Variants in ZMIZ1 observed in about 807,000 individuals in gnomAD.
ZMIZ1 encodes zinc finger MIZ domain-containing protein 1.
In ZMIZ1, 17 loss-of-function variants were observed where a neutral mutation model predicts 113.9. The ratio of observed to expected loss-of-function variants is 0.15; its 90% CI spans 0.10 to 0.22. ZMIZ1 has a LOEUF of 0.22. Ranked by LOEUF, ZMIZ1 falls within the 10% of genes least tolerant of loss-of-function variation. ZMIZ1 has a pLI of 1.00. For synonymous variants in ZMIZ1, 607 were observed against 603.1 expected (o/e 1.01, Z -0.09); for missense variants, 1,059 against 1,477.8 (o/e 0.72, Z 4.65).
chr10:79,215,183 G>A (rs1020635875), intron 6 of ZMIZ1, among the ~76,000 whole-genome samples: 2 of 152,198 alleles, frequency 1.3e-5, no homozygotes, highest in African/African-American at 4.8e-5. Flanking sequence ...GAGGTTGAGG[G>A]GGCTGCAGGG....
At chr10:79,163,308 G>T (rs909176077) in intron 4 of ZMIZ1, among the ~76,000 whole-genome samples, 2 of 152,232 alleles carry the variant, frequency 1.3e-5, no homozygotes, top group East Asian at 3.9e-4. Context: ...CTCCATCTCC[G>T]TTCCTGCTGC....
At chr10:79,129,935 T>TG (rs1466369329) in intron 2 of ZMIZ1, among the ~76,000 whole-genome samples, 2 of 152,192 alleles carry the variant, frequency 1.3e-5, no homozygotes, top group African/African-American at 4.8e-5. Flanking sequence ...TAGGGCTTCC[T>TG]GGGGGAGGGG....
At chr10:79,085,888 G>C (rs1207301665) in intron 1 of ZMIZ1, among the ~76,000 whole-genome samples, 4 of 152,106 alleles carry the variant, frequency 2.6e-5, no homozygotes, top group Non-Finnish European at 4.4e-5. Flanking sequence ...GGTTGGAGTT[G>C]GATGAAACCC....
In ZMIZ1 at chr10:79,307,508, C is replaced by T. The variant is rs201783925; in HGVS notation, c.2772C>T (p.Pro924=). ...ACGGGCCCCCCCAGCTCTCCCACCC[C>T]CCGGACATGCCCAACAACATGGCCG... ...FMHGPPQLSH[P]PDMPNNMAAL... The change falls in exon 23 of 25, where the codon CCC becomes CCT. Residue 924 remains proline, a synonymous_variant. Coordinates refer to ENST00000334512, the MANE Select transcript of ZMIZ1 (RefSeq NM_020338.4). 17 of 1,612,330 alleles carry T rather than the reference C, an allele frequency of 1.1e-5. No individual in the cohort carries two copies. The highest frequency in any genetic ancestry group is 1.3e-5 in the Non-Finnish European group (15 of 1,179,208).
In ZMIZ1 at chr10:79,191,633, A is replaced by G. The variant is rs974151567; in HGVS notation, c.-49-9951A>G. ...ATCCTCAGCACTCCACAGCAGTGCT[A>G]GTCACCTTCCTCTCACTCAGGGAAG... On this transcript the variant is annotated intron_variant, in intron 4 of 24. Coordinates refer to ENST00000334512, the MANE Select transcript of ZMIZ1 (RefSeq NM_020338.4). Among the ~76,000 whole-genome samples the G allele has an allele frequency of 2.8e-4, 42 of 152,202 alleles. 1 individual carries two copies. Among genetic ancestry groups the G allele is most frequent in the African/African-American group, 1.0e-3 (42 of 41,458 alleles).
At chr10:79,188,351 C>T (rs911777379) in intron 4 of ZMIZ1, among the ~76,000 whole-genome samples, 1 of 152,144 alleles carries the variant, frequency 6.6e-6, no homozygotes, top group Non-Finnish European at 1.5e-5. Flanking sequence ...CCTACTCTGG[C>T]CTTTGCCCTT....
intron 12 of ZMIZ1, chr10:79,295,295 C>G (rs891092924): frequency 2.0e-5 from 3 of 152,226 alleles, no homozygotes; most frequent in African/African-American, 7.2e-5. Context: ...TGGCTCTTGC[C>G]TGCCTAAAGA....
In ZMIZ1 at chr10:79,293,070, T is replaced by C. The variant is rs1336350303; in HGVS notation, c.958-311T>C. Among the ~76,000 whole-genome samples, 5 of 152,094 alleles carry C rather than the reference T, an allele frequency of 3.3e-5. No homozygotes were observed. In the East Asian group the frequency reaches 5.8e-4, roughly 18 times the overall value. ...TACCCCTCCCTGTCCCTGCACACTTTCCTGGTTTTCTGCCTGCCTCCCTCC... is the reference window on the plus strand; with the variant it reads ...TACCCCTCCCTGTCCCTGCACACTTCCCTGGTTTTCTGCCTGCCTCCCTCC... On this transcript the variant is annotated intron_variant, in intron 11 of 24. Coordinates refer to ENST00000334512, the MANE Select transcript of ZMIZ1 (RefSeq NM_020338.4).
chr10:79,291,048 C>A lies in ZMIZ1; in HGVS notation c.630C>A (p.Gly210=). The A allele has an allele frequency of 6.2e-7, 1 of 1,614,254 alleles. No individual in the cohort carries two copies. The highest frequency in any genetic ancestry group is 8.5e-7 in the Non-Finnish European group (1 of 1,180,048). The change falls in exon 10 of 25, where the codon GGC becomes GGA. Residue 210 remains glycine (G), a synonymous_variant. Coordinates refer to ENST00000334512, the MANE Select transcript of ZMIZ1 (RefSeq NM_020338.4). ...MASGMTTSNP[G]LNSPQFAGQQ... ...CGGGCATGACCACCAGCAACCCAGG[C>A]CTCAACTCCCCACAGTTTGCGGGGC...
At chr10:79,220,236 C>T (rs1848909488) in intron 7 of ZMIZ1, among the ~76,000 whole-genome samples, 1 of 152,184 alleles carries the variant, frequency 6.6e-6, no homozygotes, top group Admixed American at 6.5e-5. Context: ...CCAGCTAATA[C>T]CTGACGCACA....
At chr10:79,298,699 A>G in intron 15 of ZMIZ1, 119 bp downstream of exon 15, 1 of 961,980 alleles carries the variant, frequency 1.0e-6, no homozygotes, top group Non-Finnish European at 1.5e-6. Context: ...GAGAGTTGAG[A>G]GCAGGTGAGA....
intron 1 of ZMIZ1, among the ~76,000 whole-genome samples, chr10:79,097,080 C>T (rs902793741): frequency 2.6e-5 from 4 of 152,180 alleles, no homozygotes; most frequent in Non-Finnish European, 5.9e-5. Context: ...GGGCACCATG[C>T]ATATCTTCCA....
intron 8 of ZMIZ1, among the ~76,000 whole-genome samples, chr10:79,284,639 T>C (rs891999000): frequency 4.6e-5 from 7 of 152,344 alleles, no homozygotes; most frequent in African/African-American, 1.7e-4. Context: ...TTTTTTCTCA[T>C]GTTTCTTAGG....
chr10:79,227,683 G>A (rs1384985999), intron 7 of ZMIZ1, among the ~76,000 whole-genome samples: 2 of 152,226 alleles, frequency 1.3e-5, no homozygotes, highest in African/African-American at 4.8e-5. Flanking sequence ...TCTCTGAAAT[G>A]CCTCTCATAC....
chr10:79,231,211 C>T (rs752135071), intron 7 of ZMIZ1, among the ~76,000 whole-genome samples: 1 of 152,234 alleles, frequency 6.6e-6, no homozygotes, highest in Non-Finnish European at 1.5e-5. Flanking sequence ...CCCAGAACTG[C>T]CAGCACTTGT....
intron 4 of ZMIZ1, among the ~76,000 whole-genome samples, chr10:79,192,018 G>A (rs1386830535): frequency 6.6e-6 from 1 of 152,226 alleles, no homozygotes; most frequent in Non-Finnish European, 1.5e-5. Flanking sequence ...TTGGGAATGA[G>A]AGAAAGCCCA....
chr10:79,124,139 C>A (rs539983956), intron 2 of ZMIZ1, among the ~76,000 whole-genome samples: 1 of 152,310 alleles, frequency 6.6e-6, no homozygotes, highest in Non-Finnish European at 1.5e-5. Flanking sequence ...CTGGTGGGCC[C>A]TCTGAGCAGG....
intron 4 of ZMIZ1, among the ~76,000 whole-genome samples, chr10:79,183,970 A>T (rs1188338840): frequency 1.3e-5 from 2 of 152,178 alleles, no homozygotes; most frequent in East Asian, 3.9e-4. Flanking sequence ...AATAAAAGGG[A>T]CTATTCCTGT....
intron 7 of ZMIZ1, among the ~76,000 whole-genome samples, chr10:79,248,980 G>C (rs1187587539): frequency 6.6e-6 from 1 of 152,166 alleles, no homozygotes; most frequent in Non-Finnish European, 1.5e-5. Flanking sequence ...CCAGCTCCCT[G>C]TCTGCCTCCC....
Sources: allele counts gnomAD v4.1 joint callset (sites outside exome capture counted in the v4.1 genomes callset), GRCh38; gene constraint gnomAD v4.1.1; transcripts MANE v1.5; gene names NCBI Gene and HGNC (gene_info 2026-07-23, HGNC 2026-07-21).